The following WDFY3 variants were observed in gnomAD, a reference collection of about 807,000 sequenced individuals.
The protein encoded by WDFY3 is WD repeat and FYVE domain containing 3.
A neutral mutation model predicts 409.6 loss-of-function variants in WDFY3; 66 were observed. The observed-to-expected ratio is 0.16, with a 90% CI of 0.13 to 0.20. The LOEUF (loss-of-function observed/expected upper bound fraction) is 0.20. WDFY3 is among the 10% of genes least tolerant of loss of function. The pLI, the probability that WDFY3 is intolerant of heterozygous loss-of-function variation, is 1.00. For synonymous variants in WDFY3, 1,521 were observed against 1,537.1 expected (o/e 0.99, Z 0.25); for missense variants, 3,031 against 4,298.1 (o/e 0.71, Z 8.24).
chr4:84,679,110 G>C lies in WDFY3; in HGVS notation c.9956C>G (p.Thr3319Arg). The change falls in exon 65 of 68, where the codon ACA (threonine) becomes AGA (arginine). Residue 3319 changes from threonine (T) to arginine (R), a missense_variant. By Grantham distance (71) the Thr-to-Arg change is moderately conservative (BLOSUM62 -1). Transcript: ENST00000295888. Reference protein sequence around the residue: ...HRPRAASCRATAAWCTDSGSD... With the variant: ...HRPRAASCRARAAWCTDSGSD... The stretch of plus-strand genomic sequence containing the variant: ...GCCACTGTCAGTACACCAGGCGGCT[G>C]TTGCGCGGCAGGAGGCTGCCCGGGG... 1 of 1,614,234 alleles carries C rather than the reference G, an allele frequency of 6.2e-7. No homozygotes were observed. Among genetic ancestry groups the C allele is most frequent in the Non-Finnish European group, 8.5e-7 (1 of 1,180,046 alleles).
chr4:84,811,186 A>C (rs1447015599), intron 13 of WDFY3, among the ~76,000 whole-genome samples: 2 of 152,078 alleles, frequency 1.3e-5, no homozygotes, highest in Non-Finnish European at 2.9e-5. Context: ...TTTAGTAGAG[A>C]TGGGGTTTCA....
At chr4:84,832,570 T>C (rs959141887) in intron 7 of WDFY3, among the ~76,000 whole-genome samples, 10 of 152,210 alleles carry the variant, frequency 6.6e-5, no homozygotes, top group African/African-American at 2.2e-4. Context: ...TCATTACACA[T>C]TGTATACACA....
chr4:84,950,428 AG>A (rs951632105), intron 1 of WDFY3, among the ~76,000 whole-genome samples: 19 of 151,308 alleles, frequency 1.3e-4, no homozygotes, highest in Non-Finnish European at 2.1e-4. Context: ...AAAAAAAAAA[AG>A]GTTACATTAT....
chr4:84,727,391 T>C (rs1384401938), intron 44 of WDFY3, among the ~76,000 whole-genome samples: 1 of 152,154 alleles, frequency 6.6e-6, no homozygotes, highest in African/African-American at 2.4e-5. Flanking sequence ...CAATACTCCA[T>C]ACCACAGACA....
At chr4:84,849,081 T>G (rs1758507482) in intron 5 of WDFY3, among the ~76,000 whole-genome samples, 1 of 152,138 alleles carries the variant, frequency 6.6e-6, no homozygotes, top group African/African-American at 2.4e-5. Context: ...CCTGTATCCT[T>G]TTTTATAAAG....
intron 50 of WDFY3, 100 bp from the exon 51 acceptor site, chr4:84,713,339 G>A (rs777818387): frequency 1.6e-5 from 17 of 1,047,818 alleles, no homozygotes; most frequent in African/African-American, 9.3e-5. Context: ...TCATAGTTGC[G>A]TCTACCCTCC....
intron 32 of WDFY3, among the ~76,000 whole-genome samples, chr4:84,760,703 T>C (rs1163725555): frequency 6.6e-6 from 1 of 150,650 alleles, no homozygotes; most frequent in Non-Finnish European, 1.5e-5. Context: ...TCTTTTTTTC[T>C]TTATTAGTCT....
intron 46 of WDFY3, among the ~76,000 whole-genome samples, chr4:84,723,852 C>A (rs1735234059): frequency 6.6e-6 from 1 of 152,092 alleles, no homozygotes; most frequent in Non-Finnish European, 1.5e-5. Context: ...AAAGAAGAAA[C>A]CATTTCAGGC....
intron 2 of WDFY3, among the ~76,000 whole-genome samples, chr4:84,931,009 T>G (rs1316012233): frequency 6.6e-6 from 1 of 152,236 alleles, no homozygotes; most frequent in African/African-American, 2.4e-5. Context: ...TATATTTTAT[T>G]AGTAGTTATT....
rs2148689398 is a variant in WDFY3, at chr4:84,672,368, G to T, written c.*500C>A. 1 of 152,402 alleles carries T rather than the reference G, an allele frequency of 6.6e-6. No individual in the cohort carries two copies. The highest frequency in any genetic ancestry group is 1.9e-4 in the East Asian group (1 of 5,192). The allele number at this position is 152,402 out of a possible 1,614,324, so 9.4% of individuals were successfully genotyped here. On this transcript the variant is annotated 3_prime_UTR_variant, in exon 68 of 68. Coordinates refer to ENST00000295888, the MANE Select transcript of WDFY3 (RefSeq NM_014991.6). ...AGACAAACCATAAGTAGTTCATTGAGTTAGTGGTTTAGTTTGAAGTTTCAT... is the reference window on the plus strand; with the variant it reads ...AGACAAACCATAAGTAGTTCATTGATTTAGTGGTTTAGTTTGAAGTTTCAT...
At chr4:84,902,298 C>A (rs535026943) in intron 2 of WDFY3, among the ~76,000 whole-genome samples, 2 of 152,214 alleles carry the variant, frequency 1.3e-5, no homozygotes, top group South Asian at 4.1e-4. Flanking sequence ...ATCATTATCA[C>A]AGAAAACAAG....
At chr4:84,853,812 A>G (rs1759374037) in intron 4 of WDFY3, among the ~76,000 whole-genome samples, 1 of 152,196 alleles carries the variant, frequency 6.6e-6, no homozygotes, top group South Asian at 2.1e-4. Flanking sequence ...GAAAAAGACT[A>G]TGTCATATTT....
chr4:84,914,313 C>G (rs958028533), intron 2 of WDFY3, among the ~76,000 whole-genome samples: 1 of 152,002 alleles, frequency 6.6e-6, no homozygotes, highest in Non-Finnish European at 1.5e-5. Context: ...CCCAGCTACT[C>G]AAGAAGCTGA....
intron 4 of WDFY3, among the ~76,000 whole-genome samples, chr4:84,858,787 AG>A (rs1258756419): frequency 9.1e-6 from 1 of 109,854 alleles, no homozygotes; most frequent in African/African-American, 3.5e-5. Flanking sequence ...GCACGGGGTG[AG>A]GGGGTGGGTG....
chr4:84,933,706 C>T (rs1289335689), intron 1 of WDFY3, among the ~76,000 whole-genome samples: 1 of 151,996 alleles, frequency 6.6e-6, no homozygotes, highest in Non-Finnish European at 1.5e-5. Context: ...TGGTAACCAT[C>T]ACTCTATTCT....
At chr4:84,676,616 G>A (rs1726346219) in intron 67 of WDFY3, among the ~76,000 whole-genome samples, 1 of 151,350 alleles carries the variant, frequency 6.6e-6, no homozygotes. Context: ...AACCCTGAGA[G>A]GGCATCAAAA....
chr4:84,705,341 G>A (rs1327528804), intron 54 of WDFY3, 53 bp downstream of exon 54: 16 of 1,435,876 alleles, frequency 1.1e-5, no homozygotes, highest in South Asian at 2.4e-5. Flanking sequence ...GCTACATAAT[G>A]ACTTACTTTT....
At chr4:84,874,106 A>C (rs1273123095) in intron 3 of WDFY3, among the ~76,000 whole-genome samples, 2 of 151,506 alleles carry the variant, frequency 1.3e-5, no homozygotes, top group Non-Finnish European at 2.9e-5. Flanking sequence ...ACAGCTCCTA[A>C]GTTATCTTCT....
intron 3 of WDFY3, among the ~76,000 whole-genome samples, chr4:84,884,806 C>T (rs1763974508): frequency 6.6e-6 from 1 of 152,082 alleles, no homozygotes; most frequent in South Asian, 2.1e-4. Flanking sequence ...CAGAACCAAA[C>T]ATGTGATAAT....
Sources: gnomAD v4.1 joint callset for allele counts (sites outside exome capture counted in the v4.1 genomes callset) on GRCh38, gnomAD v4.1.1 for gene constraint, MANE v1.5 for transcripts, NCBI Gene and HGNC (gene_info 2026-07-23, HGNC 2026-07-21) for gene names.